The following KCNAB1 variants were observed in gnomAD, a reference collection of about 807,000 sequenced individuals.
KCNAB1 encodes potassium voltage-gated channel subfamily A regulatory beta subunit 1.
Under a neutral mutation model 64.6 loss-of-function variants are expected in KCNAB1, and 35 were observed. The observed-to-expected ratio is 0.54, with a 90% CI of 0.41 to 0.72. The LOEUF (loss-of-function observed/expected upper bound fraction) is 0.72. Among genes scored for constraint, KCNAB1 ranks in the 30% least tolerant of loss-of-function variants. The pLI is 0.00. For synonymous variants in KCNAB1, 177 were observed against 183.8 expected (o/e 0.96, Z 0.30); for missense variants, 401 against 512.9 (o/e 0.78, Z 2.11).
intron 1 of KCNAB1, among the ~76,000 whole-genome samples, chr3:156,132,754 ACATGTTTTT>A (rs1232048748): frequency 1.3e-5 from 2 of 152,238 alleles, no homozygotes; most frequent in Non-Finnish European, 2.9e-5. Flanking sequence ...TAATCATTAC[ACATGTTTTT>A]CTATAATGTA....
chr3:156,404,235 A>T lies in KCNAB1; in HGVS notation c.276-17381A>T, dbSNP rs766478208. Among the ~76,000 whole-genome samples the T allele has an allele frequency of 1.8e-3, 279 of 152,286 alleles. 1 individual carries two copies. Among genetic ancestry groups the T allele is most frequent in the Middle Eastern group, 0.01 (3 of 294 alleles). ...TGACTGCATAATAATTTTCTTTTTC[A>T]CAAAACATTTGTCTCCACTTCTATT... On this transcript the variant is annotated intron_variant, in intron 1 of 13. Transcript: ENST00000490337.
intron 1 of KCNAB1, among the ~76,000 whole-genome samples, chr3:156,159,147 A>G (rs1715927264): frequency 6.6e-6 from 1 of 152,180 alleles, no homozygotes; most frequent in African/African-American, 2.4e-5. Context: ...ATGGTAGTGA[A>G]GATTCCAGGT....
chr3:156,271,372 T>C (rs1560167805), intron 1 of KCNAB1, among the ~76,000 whole-genome samples: 7 of 152,208 alleles, frequency 4.6e-5, no homozygotes, highest in Admixed American at 6.5e-5. Context: ...TTTATTCTTT[T>C]TTATTCATTT....
rs574259269 is a variant in KCNAB1, at chr3:156,120,638, G to C, written c.27G>C (p.Ala9=). 3.7e-6 allele frequency: 6 copies of C among 1,614,166 alleles called. No individual in the cohort carries two copies. The South Asian group carries it at 6.6e-5, about 18-fold the overall frequency. The change falls in exon 1 of 14, where the codon GCG becomes GCC. Residue 9 remains alanine, a synonymous_variant. Coordinates refer to ENST00000490337, the MANE Select transcript of KCNAB1 (RefSeq NM_172160.3). MLAARTGA[A]GSQISEENTK... ...TGCTGGCAGCCCGGACAGGGGCAGC[G>C]GGGAGTCAGATCTCAGAGGAGAACA...
intron 1 of KCNAB1, among the ~76,000 whole-genome samples, chr3:156,233,913 G>C (rs2108438970): frequency 6.6e-6 from 1 of 152,066 alleles, no homozygotes; most frequent in East Asian, 1.9e-4. Flanking sequence ...AGTAGGAGCA[G>C]GAACTTAGTT....
At chr3:156,252,334 CCT>C (rs536120236) in intron 1 of KCNAB1, among the ~76,000 whole-genome samples, 84 of 152,302 alleles carry the variant, frequency 5.5e-4, no homozygotes, top group African/African-American at 1.5e-3. Flanking sequence ...TATTTTTCCC[CCT>C]GTTTGCTGGC....
At chr3:156,464,294 A>G (rs13315111) in intron 6 of KCNAB1, among the ~76,000 whole-genome samples, 21,694 of 152,152 alleles carry the variant, frequency 0.14, 2,825 homozygotes, top group African/African-American at 0.35. Flanking sequence ...GTTGTGGGAT[A>G]CAGAGAAGAT....
intron 6 of KCNAB1, among the ~76,000 whole-genome samples, 197 bp from the exon 7 acceptor site, chr3:156,465,446 G>A (rs1198017230): frequency 2.0e-5 from 3 of 152,132 alleles, no homozygotes; most frequent in Non-Finnish European, 1.5e-5. Context: ...GGTGACAGTC[G>A]TGGATGATTC....
rs375125788 is a variant in KCNAB1 at position 156,537,140 on chromosome 3, G to T, written c.*393G>T. 2.2e-4 allele frequency: 88 copies of T among 398,886 alleles called. No individual in the cohort carries two copies. Among genetic ancestry groups the T allele is most frequent in the African/African-American group, 1.3e-3 (65 of 48,638 alleles). The allele number at this position is 398,886 out of a possible 1,614,324, so 24.7% of individuals were successfully genotyped here. On this transcript the variant is annotated 3_prime_UTR_variant, in exon 14 of 14. Coordinates refer to ENST00000490337, the MANE Select transcript of KCNAB1 (RefSeq NM_172160.3). Reference sequence around the variant, plus strand: ...TGCAATGTGAGTTGCGTAAGAAACAGAGTAGATAGACTAAATTCAGTGAAG... The same window carrying T: ...TGCAATGTGAGTTGCGTAAGAAACATAGTAGATAGACTAAATTCAGTGAAG...
intron 1 of KCNAB1, among the ~76,000 whole-genome samples, chr3:156,388,119 G>C (rs1310085828): frequency 6.6e-6 from 1 of 152,158 alleles, no homozygotes; most frequent in Non-Finnish European, 1.5e-5. Context: ...GAAGACCAAG[G>C]GAGGCATCAC....
intron 1 of KCNAB1, among the ~76,000 whole-genome samples, chr3:156,361,518 C>T (rs1198427884): frequency 6.6e-6 from 1 of 152,152 alleles, no homozygotes; most frequent in African/African-American, 2.4e-5. Flanking sequence ...TATTTATTGT[C>T]AGCCACTCCC....
intron 1 of KCNAB1, among the ~76,000 whole-genome samples, chr3:156,308,938 T>C (rs1721692794): frequency 2.6e-5 from 4 of 152,194 alleles, no homozygotes. Context: ...CACACACTTG[T>C]ACTGATAATT....
chr3:156,364,719 G>A (rs569792334), intron 1 of KCNAB1, among the ~76,000 whole-genome samples: 25 of 152,042 alleles, frequency 1.6e-4, no homozygotes, highest in Non-Finnish European at 3.1e-4. Flanking sequence ...TGGAGGTTCC[G>A]GTGAGCCAAG....
intron 1 of KCNAB1, among the ~76,000 whole-genome samples, chr3:156,221,782 CCG>C (rs1474810283): frequency 7.2e-4 from 107 of 147,732 alleles, no homozygotes; most frequent in Middle Eastern, 3.5e-3. Context: ...CCATCCCCCC[CCG>C]CCAAAAAAAA....
At chr3:156,182,880 A>G (rs1017559685) in intron 1 of KCNAB1, among the ~76,000 whole-genome samples, 3 of 151,508 alleles carry the variant, frequency 2.0e-5, no homozygotes, top group African/African-American at 7.3e-5. Context: ...TTGTATTTTT[A>G]TTAGAGACCG....
At chr3:156,343,158 G>A (rs772958657) in intron 1 of KCNAB1, among the ~76,000 whole-genome samples, 2 of 152,158 alleles carry the variant, frequency 1.3e-5, no homozygotes, top group African/African-American at 2.4e-5. Flanking sequence ...CTCTCTAGTT[G>A]CTTCAGCTTT....
chr3:156,367,220 G>A (rs1441715122), intron 1 of KCNAB1, among the ~76,000 whole-genome samples: 1 of 148,032 alleles, frequency 6.8e-6, no homozygotes, highest in Admixed American at 6.8e-5. Flanking sequence ...CTGTCACCCA[G>A]GCTAGAGTGC....
intron 7 of KCNAB1, 107 bp downstream of exon 7, chr3:156,465,793 GA>G: frequency 1.1e-6 from 1 of 895,160 alleles, no homozygotes. Context: ...AGTTCTATAT[GA>G]AAAGTGCCAC....
intron 1 of KCNAB1, among the ~76,000 whole-genome samples, chr3:156,366,896 G>A (rs574027780): frequency 9.7e-4 from 147 of 152,244 alleles, no homozygotes; most frequent in African/African-American, 3.4e-3. Context: ...TTTAAACCAC[G>A]TAGCTCCCAA....
Sources: allele counts gnomAD v4.1 joint callset (sites outside exome capture counted in the v4.1 genomes callset), GRCh38; gene constraint gnomAD v4.1.1; transcripts MANE v1.5; gene names NCBI Gene and HGNC (gene_info 2026-07-23, HGNC 2026-07-21).